The following ITGA5 variants were observed in gnomAD, a reference collection of about 807,000 sequenced individuals.
The protein encoded by ITGA5 is integrin subunit alpha 5, also known as integrin alpha-5.
A neutral mutation model predicts 146.3 loss-of-function variants in ITGA5; 55 were observed. The observed-to-expected ratio is 0.38, with a 90% confidence interval of 0.30 to 0.47. The LOEUF (loss-of-function observed/expected upper bound fraction) is 0.47, where lower values mean the gene tolerates loss of function less well. Ranked by LOEUF, ITGA5 falls within the 20% of genes least tolerant of loss-of-function variation. The pLI is 0.99. For synonymous variants in ITGA5, 500 were observed against 531.8 expected, an observed-to-expected ratio of 0.94 and a Z score of 0.82; for missense variants, 1,131 against 1,329.0, an observed-to-expected ratio of 0.85 and a Z score of 2.32.
At position 54,401,676 on chromosome 12, in the gene ITGA5, G is replaced by C; in HGVS notation, c.2307-11C>G. ...TTGTTGAGATTCTTGCTGTGGGATG[G>C]AGGCAAGACTGAGGTGCTGGAGTGC... On this transcript the variant is annotated splice_polypyrimidine_tract_variant and intron_variant, in intron 22 of 29. Coordinates refer to ENST00000293379, the MANE Select transcript of ITGA5 (RefSeq NM_002205.5). The surrounding 1 kb of genome is among the most constrained non-coding windows in gnomAD (Gnocchi z 5.0). 6.2e-7 allele frequency: 1 copy of C among 1,614,052 alleles called. No individual in the cohort carries two copies.
chr12:54,405,875 C>T lies in ITGA5; in HGVS notation c.958G>A (p.Glu320Lys). Residue 320 changes from glutamate (E) to lysine (K), a missense_variant, in exon 10 of 30, where the codon GAA (glutamate) becomes AAA (lysine). By Grantham distance (56) the Glu-to-Lys change is moderately conservative. This residue lies in a region of ITGA5 where 889 missense variants were observed against 1,021.5 expected (regional missense o/e 0.87). Transcript: ENST00000293379. ...GGGTTGAGGGGTATCCTTACCTGTTCCCCTGAGAAGTTGTAGAGGGATCGA... is the reference window on the plus strand; with the variant it reads ...GGGTTGAGGGGTATCCTTACCTGTTTCCCTGAGAAGTTGTAGAGGGATCGA... ...DIRSLYNFSG[E>K]QMASYFGYAV... The T allele has an allele frequency of 1.2e-6, 2 of 1,613,878 alleles. No individual in the cohort carries two copies. Among genetic ancestry groups the T allele is most frequent in the East Asian group, 2.2e-5 (1 of 44,880 alleles).
rs763502818 is a variant in ITGA5 at position 54,402,014 on chromosome 12, T to G, written c.2213A>C (p.Lys738Thr). ...TCCCAAACTTACACTGGCTCCTGCC[T>G]TCATGGGGTTGCCCAGGTCACACAC... is the stretch of plus-strand genomic sequence containing the variant. ...LLVCDLGNPMKAGASLWGGLR... is the reference protein window; with the variant it reads ...LLVCDLGNPMTAGASLWGGLR... The change falls in exon 21 of 30, where the codon AAG becomes ACG. Residue 738 changes from lysine to threonine, a missense_variant. Transcript: ENST00000293379. 1 of 1,614,176 alleles carries G rather than the reference T, an allele frequency of 6.2e-7. No individual in the cohort carries two copies.
rs895418041 is a variant in ITGA5, at chr12:54,416,984, G to T, written c.218+1997C>A. Among the ~76,000 whole-genome samples the T allele has an allele frequency of 6.6e-6, 1 of 152,196 alleles. No individual in the cohort carries two copies. The highest frequency in any genetic ancestry group is 2.4e-5 in the African/African-American group (1 of 41,440). On this transcript the variant is annotated intron_variant, in intron 1 of 29. Coordinates refer to ENST00000293379, the MANE Select transcript of ITGA5 (RefSeq NM_002205.5). The surrounding 1 kb of genome is among the most constrained non-coding windows in gnomAD (Gnocchi z 4.1). ...TTTGTCTTGTGTTGTGGGAAAGGGG[G>T]TGAAGGCCTAGCTGTGGTGGGAGGA...
At position 54,399,909 on chromosome 12, in the gene ITGA5, C is replaced by G; in HGVS notation, c.2682G>C (p.Arg894=). ...PEGSLHHQQK[R]EAPSRSSASS... Reference sequence around the variant, plus strand: ...AAGCAGAGCTGCGGCTTGGAGCTTCCCGTTTTTGCTGGTGGTGCAGGGAAC... The same window carrying G: ...AAGCAGAGCTGCGGCTTGGAGCTTCGCGTTTTTGCTGGTGGTGCAGGGAAC... Residue 894 remains arginine, a synonymous_variant, in exon 26 of 30, where the codon CGG becomes CGC. Coordinates refer to ENST00000293379, the MANE Select transcript of ITGA5 (RefSeq NM_002205.5). 6.2e-7 allele frequency: 1 copy of G among 1,614,116 alleles called. No individual in the cohort carries two copies. The highest frequency in any genetic ancestry group is 1.3e-5 in the African/African-American group (1 of 75,018).
In ITGA5 at chr12:54,403,804, A is replaced by G; in HGVS notation, c.1622-25T>C. ...CCTGAAGCCAGGGACATATAAAGGG[A>G]AACTGCCTGTCTTTCCTCATCTTTT... On this transcript the variant is annotated intron_variant, in intron 16 of 29. Transcript: ENST00000293379. This position sits in a 1 kb window ranked among gnomAD's most constrained non-coding sequence, Gnocchi z 4.9. 1 of 1,612,272 alleles carries G rather than the reference A, an allele frequency of 6.2e-7. No homozygotes were observed. The highest frequency in any genetic ancestry group is 8.5e-7 in the Non-Finnish European group (1 of 1,178,442).
Position 54,401,915 on chromosome 12 carries a change from C to A in ITGA5, c.2227-60G>T. On this transcript the variant is annotated intron_variant, in intron 21 of 29. Coordinates refer to ENST00000293379, the MANE Select transcript of ITGA5 (RefSeq NM_002205.5). The surrounding 1 kb of genome is among the most constrained non-coding windows in gnomAD (Gnocchi z 5.0). Reference sequence around the variant, plus strand: ...GACTGTGTATTTCACCCTCCCTCCGCACCTCACAGCTGTGCTCTCGGCTGG... The same window carrying A: ...GACTGTGTATTTCACCCTCCCTCCGAACCTCACAGCTGTGCTCTCGGCTGG... 1 of 1,595,528 alleles carries A rather than the reference C, an allele frequency of 6.3e-7. No individual in the cohort carries two copies. The highest frequency in any genetic ancestry group is 8.6e-7 in the Non-Finnish European group (1 of 1,163,270).
At chr12:54,414,565 C>T (rs1455673459) in intron 1 of ITGA5, among the ~76,000 whole-genome samples, 4 of 152,110 alleles carry the variant, frequency 2.6e-5, no homozygotes, top group African/African-American at 7.2e-5. Flanking sequence ...ATGAGAAAAG[C>T]GCCAGGTGCG....
chr12:54,418,942 T>C, intron 1 of ITGA5, 39 bp downstream of exon 1: 1 of 1,581,384 alleles, frequency 6.3e-7, no homozygotes, highest in South Asian at 1.1e-5. Context: ...TCCAGGCGGC[T>C]CCCCCACCCC....
chr12:54,409,566 G>T lies in ITGA5; in HGVS notation c.381C>A (p.Ser127Arg). ...ACTCCACAGGCTCCTCTCCCTCTGA[G>T]CTGGACAGTGAGGACTCCAGGAGCC... is the stretch of plus-strand genomic sequence containing the variant. Reference protein sequence around the residue: ...GSRLLESSLSSSEGEEPVEYK... With the variant: ...GSRLLESSLSRSEGEEPVEYK... Residue 127 changes from serine (S) to arginine (R), a missense_variant, in exon 3 of 30, where the codon AGC becomes AGA. Ser to Arg is a moderately radical substitution (Grantham distance 110). Transcript: ENST00000293379. The surrounding 1 kb of genome is among the most constrained non-coding windows in gnomAD (Gnocchi z 4.7). The T allele has an allele frequency of 6.2e-7, 1 of 1,613,662 alleles. No homozygotes were observed. Among genetic ancestry groups the T allele is most frequent in the Non-Finnish European group, 8.5e-7 (1 of 1,179,896 alleles).
At chr12:54,402,411 A>T (rs2120497416) in intron 19 of ITGA5, 81 bp from the exon 20 acceptor site, 1 of 1,362,528 alleles carries the variant, frequency 7.3e-7, no homozygotes. Flanking sequence ...GAGTAGTAAT[A>T]CGAGGCCGGG....
rs7487826 is a variant in ITGA5 at position 54,403,783 on chromosome 12, A to G, written c.1622-4T>C. 5 of 1,613,910 alleles carry G rather than the reference A, an allele frequency of 3.1e-6. No individual in the cohort carries two copies. The highest frequency in any genetic ancestry group is 4.2e-6 in the Non-Finnish European group (5 of 1,179,816). ...AGCTGAAGTTCCACTGTGAAACCTG[A>G]AGCCAGGGACATATAAAGGGAAACT... On this transcript the variant is annotated splice_region_variant and splice_polypyrimidine_tract_variant and intron_variant, in intron 16 of 29. Coordinates refer to ENST00000293379, the MANE Select transcript of ITGA5 (RefSeq NM_002205.5). This position sits in a 1 kb window ranked among gnomAD's most constrained non-coding sequence, Gnocchi z 4.9.
chr12:54,397,638 C>T (rs977541927), intron 28 of ITGA5, 151 bp from the exon 29 acceptor site: 1 of 909,032 alleles, frequency 1.1e-6, no homozygotes, highest in Non-Finnish European at 1.6e-6. Context: ...GCTGAGGTTC[C>T]AGATCTGTTG....
chr12:54,400,871 T>A lies in ITGA5; in HGVS notation c.2618A>T (p.His873Leu), dbSNP rs1955776537. Residue 873 changes from histidine (H) to leucine (L), a missense_variant, in exon 25 of 30, where the codon CAC (histidine) becomes CTC (leucine). By Grantham distance (99) the His-to-Leu change is moderately conservative. Coordinates refer to ENST00000293379, the MANE Select transcript of ITGA5 (RefSeq NM_002205.5). ...RVTGLNCTTN[H>L]PINPKGLELD... ...CTCCAGGCCCTTTGGGTTAATGGGG[T>A]GATTGGTGGTGCAGTTGAGTCCCGT... The A allele has an allele frequency of 4.3e-6, 7 of 1,613,666 alleles. No homozygotes were observed. The highest frequency in any genetic ancestry group is 5.9e-6 in the Non-Finnish European group (7 of 1,179,964).
chr12:54,405,484 G>C, intron 11 of ITGA5, 110 bp from the exon 12 acceptor site: 1 of 1,034,724 alleles, frequency 9.7e-7, no homozygotes, highest in Non-Finnish European at 1.4e-6. Flanking sequence ...CAGAAGACCT[G>C]AGGTCTCTGA....
In ITGA5 at chr12:54,400,852, G is replaced by A; in HGVS notation, c.2637C>T (p.Gly879=). The change falls in exon 25 of 30, where the codon GGC becomes GGT. Residue 879 remains glycine, a synonymous_variant. Transcript: ENST00000293379. ...CTTNHPINPK[G]LELDPEGSLH... ...CCAGTGTTCAGGATCTCACCTCCAG[G>A]CCCTTTGGGTTAATGGGGTGATTGG... is the stretch of plus-strand genomic sequence containing the variant. The A allele has an allele frequency of 1.9e-6, 3 of 1,613,892 alleles. No homozygotes were observed. The highest frequency in any genetic ancestry group is 1.1e-5 in the South Asian group (1 of 91,074).
chr12:54,408,319 C>T, intron 6 of ITGA5, 84 bp from the exon 7 acceptor site: 1 of 1,482,624 alleles, frequency 6.7e-7, no homozygotes, highest in Middle Eastern at 1.9e-4. Context: ...GGTAGTATTT[C>T]AGAAGTCTGG....
chr12:54,405,746 C>T (rs746775983), intron 10 of ITGA5, 30 bp from the exon 11 acceptor site: 2 of 1,613,022 alleles, frequency 1.2e-6, no homozygotes, highest in Non-Finnish European at 1.7e-6. Flanking sequence ...AGCGCTGGGT[C>T]AGAACTAGAA....
intron 1 of ITGA5, among the ~76,000 whole-genome samples, chr12:54,418,065 G>A (rs1956028581): frequency 6.6e-6 from 1 of 152,026 alleles, no homozygotes; most frequent in Admixed American, 6.5e-5. Flanking sequence ...TGACGTTCTT[G>A]GCCCCACGGA....
rs1174944946 is a variant in ITGA5, at chr12:54,398,640, G to C, written c.2900C>G (p.Pro967Arg). 3 of 1,610,886 alleles carry C rather than the reference G, an allele frequency of 1.9e-6. No homozygotes were observed. In the Admixed American group the frequency reaches 5.0e-5, roughly 27 times the overall value. Residue 967 changes from proline (P) to arginine (R), a missense_variant, in exon 28 of 30, where the codon CCC becomes CGC. Transcript: ENST00000293379. ...CEAVYKALKM[P>R]YRILPRQLPQ... Reference sequence around the variant, plus strand: ...CAGCTGCCGAGGCAGGATTCGGTAGGGCATCTTCAGGGCTTTGTACACAGC... The same window carrying C: ...CAGCTGCCGAGGCAGGATTCGGTAGCGCATCTTCAGGGCTTTGTACACAGC...
Sources: allele counts gnomAD v4.1 joint callset (sites outside exome capture counted in the v4.1 genomes callset), GRCh38; gene constraint gnomAD v4.1.1; regional missense constraint gnomAD v4.1.1; non-coding constraint Gnocchi (gnomAD v3.1); transcripts MANE v1.5; gene names NCBI Gene and HGNC (gene_info 2026-07-23, HGNC 2026-07-21).